Variants in DPYSL2 observed in about 807,000 individuals in gnomAD.
DPYSL2 encodes the protein dihydropyrimidinase-related protein 2.
DPYSL2 carries 13 observed loss-of-function variants against 69.9 expected under a neutral mutation model. The observed-to-expected ratio is 0.19, with a 90% confidence interval of 0.12 to 0.30. DPYSL2 has a LOEUF of 0.30. Among genes scored for constraint, DPYSL2 ranks in the 10% least tolerant of loss-of-function variants. The pLI is 1.00. For synonymous variants in DPYSL2, 326 were observed against 359.1 expected (o/e 0.91, Z 1.04); for missense variants, 587 against 918.9 (o/e 0.64, Z 4.67).
At chr8:26,581,916 C>T (rs1801501778) in intron 1 of DPYSL2, 53 bp from the exon 2 acceptor site, 11 of 1,316,030 alleles carry the variant, frequency 8.4e-6, no homozygotes, top group Non-Finnish European at 1.2e-5. Flanking sequence ...ATCTTAGCAC[C>T]TGTTTCTCAT....
intron 1 of DPYSL2, among the ~76,000 whole-genome samples, chr8:26,521,023 A>C (rs1053655219): frequency 6.6e-6 from 1 of 152,156 alleles, no homozygotes; most frequent in African/African-American, 2.4e-5. Flanking sequence ...TTAGGATTTC[A>C]ACACAGGAAT....
At chr8:26,655,453 G>T (rs896111335) in intron 13 of DPYSL2, among the ~76,000 whole-genome samples, 162 bp from the exon 14 acceptor site, 1 of 152,090 alleles carries the variant, frequency 6.6e-6, no homozygotes, top group Non-Finnish European at 1.5e-5. Context: ...CTATGATGGT[G>T]CCATAGCACT....
In DPYSL2 at chr8:26,648,617, A is replaced by G. The variant is rs571674886; in HGVS notation, c.1596+817A>G. Among the ~76,000 whole-genome samples the G allele has an allele frequency of 6.6e-6, 1 of 152,342 alleles. No homozygotes were observed. Among genetic ancestry groups the G allele is most frequent in the African/African-American group, 2.4e-5 (1 of 41,582 alleles). On this transcript the variant is annotated intron_variant, in intron 11 of 13. Coordinates refer to ENST00000521913, the MANE Select transcript of DPYSL2 (RefSeq NM_001197293.3). The surrounding 1 kb of genome is among the most constrained non-coding windows in gnomAD (Gnocchi z 4.3). ...CCCAGAGGGAGAGCTTTGGAAAAGA[A>G]ATGGGCCTCGGGCAGAAGAGTTTCG...
rs1803114956 is a variant in DPYSL2, at chr8:26,644,310, A to G, written c.1425+219A>G. Among the ~76,000 whole-genome samples, 1 of 152,070 alleles carries G rather than the reference A, an allele frequency of 6.6e-6. No individual in the cohort carries two copies. The highest frequency in any genetic ancestry group is 1.5e-5 in the Non-Finnish European group (1 of 68,008). ...TACATATATATTTCTTTTTAAAACA[A>G]TTTTTAAATTTTTTTCAGACAAGGT... On this transcript the variant is annotated intron_variant, in intron 10 of 13. Coordinates refer to ENST00000521913, the MANE Select transcript of DPYSL2 (RefSeq NM_001197293.3). The surrounding 1 kb of genome is among the most constrained non-coding windows in gnomAD (Gnocchi z 4.5).
chr8:26,586,367 GAT>G lies in DPYSL2; in HGVS notation c.628+2385_628+2386del, dbSNP rs1801602823. The stretch of plus-strand genomic sequence containing the variant: ...AAACTCATTCACTGAAACTCAGAGA[GAT>G]TTTGCCTCTCATCAAGTACATGTTG... On this transcript the variant is annotated intron_variant, in intron 3 of 13. Coordinates refer to ENST00000521913, the MANE Select transcript of DPYSL2 (RefSeq NM_001197293.3). This position sits in a 1 kb window ranked among gnomAD's most constrained non-coding sequence, Gnocchi z 4.7. Among the ~76,000 whole-genome samples the G allele has an allele frequency of 6.6e-6, 1 of 152,188 alleles. No individual in the cohort carries two copies. Among genetic ancestry groups the G allele is most frequent in the Non-Finnish European group, 1.5e-5 (1 of 68,036 alleles).
chr8:26,619,623 T>C lies in DPYSL2; in HGVS notation c.629-4520T>C, dbSNP rs1802436004. 6.6e-6 allele frequency: 1 copy of C among 152,232 alleles called. No homozygotes were observed. The highest frequency in any genetic ancestry group is 2.1e-4 in the South Asian group (1 of 4,826). The allele number at this position is 152,232 out of a possible 1,614,324, so 9.4% of individuals were successfully genotyped here. ...TCAAGGTAGTTCAAGGCAGACTCAG[T>C]AGCTCCCGGGTTGCTTAGTAGAAAT... On this transcript the variant is annotated intron_variant, in intron 3 of 13. Transcript: ENST00000521913. The surrounding 1 kb of genome is among the most constrained non-coding windows in gnomAD (Gnocchi z 4.8).
In DPYSL2 at chr8:26,516,779, T is replaced by G. The variant is rs1808297282; in HGVS notation, c.354+2100T>G. Among the ~76,000 whole-genome samples, 1 of 152,188 alleles carries G rather than the reference T, an allele frequency of 6.6e-6. No homozygotes were observed. Among genetic ancestry groups the G allele is most frequent in the Non-Finnish European group, 1.5e-5 (1 of 68,042 alleles). ...AGCACCTTCCCCTGAATTTTCATGT[T>G]TAATCTTGCCTTATCATATAAGGCC... On this transcript the variant is annotated intron_variant, in intron 1 of 13. Transcript: ENST00000521913. The surrounding 1 kb of genome is among the most constrained non-coding windows in gnomAD (Gnocchi z 4.8).
At chr8:26,603,266 G>A (rs554520661) in intron 3 of DPYSL2, among the ~76,000 whole-genome samples, 30 of 152,054 alleles carry the variant, frequency 2.0e-4, no homozygotes, top group African/African-American at 6.3e-4. Flanking sequence ...TCCACCTCCC[G>A]GGTTCAAGCG....
intron 1 of DPYSL2, among the ~76,000 whole-genome samples, chr8:26,552,164 G>T (rs1800882925): frequency 6.6e-6 from 1 of 152,038 alleles, no homozygotes; most frequent in African/African-American, 2.4e-5. Flanking sequence ...CATCTCAAAA[G>T]AAATTTTAAA....
intron 1 of DPYSL2, among the ~76,000 whole-genome samples, chr8:26,572,592 C>A (rs978720236): frequency 6.6e-6 from 1 of 152,124 alleles, no homozygotes; most frequent in African/African-American, 2.4e-5. Context: ...CTCCGTTTCC[C>A]AGGTTCAAGT....
intron 1 of DPYSL2, among the ~76,000 whole-genome samples, chr8:26,524,835 A>AAAAAAAAAAAAAAAAAAAAAAAAAT: frequency 1.3e-5 from 1 of 74,228 alleles, no homozygotes; most frequent in Middle Eastern, 0.012. Flanking sequence ...AAAAAAAAAA[A>AAAAAAAAAAAAAAAAAAAAAAAAAT]AGAGAGAGAA....
rs1214515263 is a variant in DPYSL2 at position 26,565,418 on chromosome 8, T to C, written c.355-16551T>C. 2.6e-5 allele frequency among the ~76,000 whole-genome samples: 4 copies of C among 151,516 alleles called. No homozygotes were observed. Among genetic ancestry groups the C allele is most frequent in the African/African-American group, 9.7e-5 (4 of 41,204 alleles). On this transcript the variant is annotated intron_variant, in intron 1 of 13. Coordinates refer to ENST00000521913, the MANE Select transcript of DPYSL2 (RefSeq NM_001197293.3). This position sits in a 1 kb window ranked among gnomAD's most constrained non-coding sequence, Gnocchi z 4.1. ...AGCAGAATGATGCTGCTGGTGAGAGTAGTCCAGGAAATGGACCATGGGGGC... is the reference window on the plus strand; with the variant it reads ...AGCAGAATGATGCTGCTGGTGAGAGCAGTCCAGGAAATGGACCATGGGGGC...
rs1182889340 is a variant in DPYSL2, at chr8:26,641,793, G to A, written c.1127-1646G>A. Among the ~76,000 whole-genome samples the A allele has an allele frequency of 6.6e-6, 1 of 152,226 alleles. No homozygotes were observed. The highest frequency in any genetic ancestry group is 1.5e-5 in the Non-Finnish European group (1 of 68,048). On this transcript the variant is annotated intron_variant, in intron 8 of 13. Coordinates refer to ENST00000521913, the MANE Select transcript of DPYSL2 (RefSeq NM_001197293.3). The surrounding 1 kb of genome is among the most constrained non-coding windows in gnomAD (Gnocchi z 4.1). ...GTGGGGGCGTGGTTGCTGGTGGCCT[G>A]GAGTGAGCTGCCTGCTGTGGCCTCC...
chr8:26,529,609 G>A (rs891084602), intron 1 of DPYSL2, among the ~76,000 whole-genome samples: 1 of 151,882 alleles, frequency 6.6e-6, no homozygotes, highest in African/African-American at 2.4e-5. Context: ...GAGCCACTGT[G>A]CTGCCTATAA....
rs767122574 is a variant in DPYSL2 at position 26,627,963 on chromosome 8, G to C, written c.1005+23G>C. 1 of 1,610,712 alleles carries C rather than the reference G, an allele frequency of 6.2e-7. No individual in the cohort carries two copies. Among genetic ancestry groups the C allele is most frequent in the South Asian group, 1.1e-5 (1 of 90,276 alleles). ...GAGGTGAATGTTCACCAAGCGGAAT[G>C]CGTGAATCAGTGTCCCTTGGGCACT... On this transcript the variant is annotated intron_variant, in intron 7 of 13. Coordinates refer to ENST00000521913, the MANE Select transcript of DPYSL2 (RefSeq NM_001197293.3). This position sits in a 1 kb window ranked among gnomAD's most constrained non-coding sequence, Gnocchi z 6.9.
chr8:26,657,735 G>A lies in DPYSL2; in HGVS notation c.*2029G>A, dbSNP rs920677400. 1.3e-5 allele frequency: 2 copies of A among 152,482 alleles called. No homozygotes were observed. The highest frequency in any genetic ancestry group is 4.8e-5 in the African/African-American group (2 of 41,408). 9.4% of individuals were successfully genotyped at this position (152,482 alleles called of 1,614,324 possible). On this transcript the variant is annotated 3_prime_UTR_variant, in exon 14 of 14. Transcript: ENST00000521913. ...TGAGTCTTCCTGTTTTTCCTGTACC[G>A]GGTCATGGTAATTTTTGGTTGTTTT...
intron 3 of DPYSL2, among the ~76,000 whole-genome samples, chr8:26,599,893 T>C (rs2129809745): frequency 6.6e-6 from 1 of 152,224 alleles, no homozygotes; most frequent in South Asian, 2.1e-4. Flanking sequence ...AAAGAAACCC[T>C]ACCAATTATC....
intron 3 of DPYSL2, among the ~76,000 whole-genome samples, chr8:26,584,582 G>A (rs972204654): frequency 1.3e-5 from 2 of 149,098 alleles, no homozygotes; most frequent in African/African-American, 2.5e-5. Flanking sequence ...ACAGCTGGGT[G>A]CCCCTTACGT....
At chr8:26,556,116 ACTATATATAT>A (rs1321805803) in intron 1 of DPYSL2, among the ~76,000 whole-genome samples, 198 of 16,606 alleles carry the variant, frequency 0.012, 2 homozygotes, top group Admixed American at 0.024. Context: ...GTATATATAT[ACTATATATAT>A]TATATATACT....
Sources: allele counts gnomAD v4.1 joint callset (sites outside exome capture counted in the v4.1 genomes callset), GRCh38; gene constraint gnomAD v4.1.1; non-coding constraint Gnocchi (gnomAD v3.1); transcripts MANE v1.5; gene names NCBI Gene and HGNC (gene_info 2026-07-23, HGNC 2026-07-21).